The following ZNF804A variants were observed in gnomAD, a reference collection of about 807,000 sequenced individuals.
ZNF804A encodes the protein zinc finger protein 804A.
ZNF804A carries 2 observed loss-of-function variants against 16.5 expected under a neutral mutation model. The observed-to-expected ratio is 0.12, with a 90% confidence interval of 0.05 to 0.38. The LOEUF is 0.38. ZNF804A is among the 10% of genes least tolerant of loss of function. ZNF804A has a pLI of 0.99. For missense variants in ZNF804A, 1,473 were observed against 1,390.7 expected, an observed-to-expected ratio of 1.06 and a Z score of -0.94; for synonymous variants, 534 against 489.6, an observed-to-expected ratio of 1.09 and a Z score of -1.20.
chr2:184,820,935 A>T (rs1695069091), intron 1 of ZNF804A, among the ~76,000 whole-genome samples: 2 of 152,136 alleles, frequency 1.3e-5, no homozygotes, highest in Admixed American at 1.3e-4. Context: ...ACAAACAGGA[A>T]GACATTCGAT....
intron 1 of ZNF804A, among the ~76,000 whole-genome samples, chr2:184,602,610 G>A (rs1691067742): frequency 6.6e-6 from 1 of 151,882 alleles, no homozygotes; most frequent in Non-Finnish European, 1.5e-5. Context: ...TATTTAACAT[G>A]GAATTTAAAT....
rs145912854 is a variant in ZNF804A at position 184,902,280 on chromosome 2, A to G, written c.256-31323A>G. 3.3e-3 allele frequency: 520 copies of G among 157,880 alleles called. 3 individuals are homozygous for G. The highest frequency in any genetic ancestry group is 0.012 in the African/African-American group (481 of 41,740). The allele number at this position is 157,880 out of a possible 1,614,324, so 9.8% of individuals were successfully genotyped here. Reference sequence around the variant, plus strand: ...GTGCTTGTTGGCCTTGACATCCTCAATGAGCACAACTGTGTTGTTAGCTTC... The same window carrying G: ...GTGCTTGTTGGCCTTGACATCCTCAGTGAGCACAACTGTGTTGTTAGCTTC... On this transcript the variant is annotated intron_variant, in intron 2 of 3. Coordinates refer to ENST00000302277, the MANE Select transcript of ZNF804A (RefSeq NM_194250.2).
intron 1 of ZNF804A, among the ~76,000 whole-genome samples, chr2:184,727,293 A>G (rs1238737497): frequency 6.6e-6 from 1 of 151,638 alleles, no homozygotes; most frequent in Non-Finnish European, 1.5e-5. Flanking sequence ...ATTATTCATT[A>G]AGTAAATAGT....
chr2:184,613,568 C>A (rs1691272257), intron 1 of ZNF804A, among the ~76,000 whole-genome samples: 1 of 151,898 alleles, frequency 6.6e-6, no homozygotes, highest in Non-Finnish European at 1.5e-5. Flanking sequence ...GACAATCCTA[C>A]AAATTAAAAA....
intron 1 of ZNF804A, among the ~76,000 whole-genome samples, chr2:184,768,246 T>A (rs1028516076): frequency 6.6e-6 from 1 of 152,120 alleles, no homozygotes; most frequent in Non-Finnish European, 1.5e-5. Flanking sequence ...ATAGAGTGTA[T>A]GCAAATACCA....
intron 2 of ZNF804A, among the ~76,000 whole-genome samples, chr2:184,928,741 G>A (rs10170118): frequency 0.012 from 1,901 of 152,286 alleles, 39 homozygotes; most frequent in African/African-American, 0.044. Flanking sequence ...TCTGGCTAGG[G>A]CTGGTTTAAA....
At chr2:184,825,272 G>A (rs768409059) in intron 1 of ZNF804A, among the ~76,000 whole-genome samples, 3 of 152,036 alleles carry the variant, frequency 2.0e-5, no homozygotes, top group Non-Finnish European at 4.4e-5. Flanking sequence ...ATTAAGAAAA[G>A]GGACTAAACA....
At chr2:184,690,289 G>A (rs1238919106) in intron 1 of ZNF804A, among the ~76,000 whole-genome samples, 1 of 151,842 alleles carries the variant, frequency 6.6e-6, no homozygotes, top group Non-Finnish European at 1.5e-5. Context: ...TGTATTATTG[G>A]ACCCTAAATT....
At chr2:184,828,954 T>C (rs1695217120) in intron 1 of ZNF804A, among the ~76,000 whole-genome samples, 1 of 151,998 alleles carries the variant, frequency 6.6e-6, no homozygotes, top group Admixed American at 6.6e-5. Context: ...ATCCTAATAC[T>C]TAGCTTTCAC....
chr2:184,843,990 T>C (rs928375316), intron 1 of ZNF804A, among the ~76,000 whole-genome samples: 3 of 152,128 alleles, frequency 2.0e-5, no homozygotes, highest in East Asian at 1.9e-4. Flanking sequence ...GTGGTTTTAA[T>C]TGAGCAATTA....
chr2:184,802,992 G>A (rs1694749244), intron 1 of ZNF804A, among the ~76,000 whole-genome samples: 2 of 152,146 alleles, frequency 1.3e-5, no homozygotes, highest in Non-Finnish European at 2.9e-5. Flanking sequence ...ATGAGTACAA[G>A]TCACTGACTA....
chr2:184,835,656 G>A (rs540158103), intron 1 of ZNF804A, among the ~76,000 whole-genome samples: 1 of 137,496 alleles, frequency 7.3e-6, no homozygotes, highest in African/African-American at 3.1e-5. Context: ...TTTAGCTCAG[G>A]AAGGCATGAA....
At chr2:184,672,007 A>G (rs1574155918) in intron 1 of ZNF804A, among the ~76,000 whole-genome samples, 1 of 152,350 alleles carries the variant, frequency 6.6e-6, no homozygotes, top group Admixed American at 6.5e-5. Flanking sequence ...CTTCACTTAC[A>G]CAGTACTAAA....
At chr2:184,659,228 A>G (rs752985010) in intron 1 of ZNF804A, among the ~76,000 whole-genome samples, 1 of 152,144 alleles carries the variant, frequency 6.6e-6, no homozygotes, top group Non-Finnish European at 1.5e-5. Flanking sequence ...GCTTATTACT[A>G]CAGAGGTTAA....
intron 1 of ZNF804A, among the ~76,000 whole-genome samples, chr2:184,760,654 C>T (rs1417249709): frequency 3.3e-5 from 5 of 151,690 alleles, no homozygotes; most frequent in Non-Finnish European, 7.4e-5. Flanking sequence ...CAAGGGTTGG[C>T]TTGAAGAAGG....
chr2:184,926,962 G>A (rs778016894), intron 2 of ZNF804A, among the ~76,000 whole-genome samples: 3 of 152,006 alleles, frequency 2.0e-5, no homozygotes, highest in Non-Finnish European at 4.4e-5. Flanking sequence ...TGAATTCTCT[G>A]TCTGAAGAGT....
intron 1 of ZNF804A, among the ~76,000 whole-genome samples, chr2:184,855,782 T>C (rs926696496): frequency 3.9e-5 from 6 of 151,952 alleles, no homozygotes; most frequent in Admixed American, 3.9e-4. Flanking sequence ...AAAGACACAG[T>C]TGTTCATGTC....
At chr2:184,672,076 A>G (rs1212383645) in intron 1 of ZNF804A, among the ~76,000 whole-genome samples, 2 of 152,194 alleles carry the variant, frequency 1.3e-5, no homozygotes, top group African/African-American at 4.8e-5. Flanking sequence ...CAAACTTTCA[A>G]ATTATCTAAG....
chr2:184,749,030 G>A (rs1417561227), intron 1 of ZNF804A, among the ~76,000 whole-genome samples: 1 of 151,466 alleles, frequency 6.6e-6, no homozygotes, highest in Non-Finnish European at 1.5e-5. Flanking sequence ...GATGCTTCTG[G>A]CTTTGATCTT....
Sources: gnomAD v4.1 joint callset for allele counts (sites outside exome capture counted in the v4.1 genomes callset) on GRCh38, gnomAD v4.1.1 for gene constraint, MANE v1.5 for transcripts, NCBI Gene and HGNC (gene_info 2026-07-23, HGNC 2026-07-21) for gene names.